The following ZNF469 variants were observed in gnomAD, a reference collection of about 807,000 sequenced individuals.
ZNF469 encodes zinc finger protein 469.
Under a neutral mutation model 1.0 loss-of-function variants are expected in ZNF469, and 1 was observed. That is an observed-to-expected ratio of 1.00 (90% CI 0.35 to 4.73). The LOEUF is 4.73. Among genes scored for constraint, ZNF469 ranks in the 30% most tolerant of loss-of-function variants. ZNF469 has a pLI of 0.16. For missense variants in ZNF469, 6,100 were observed against 5,356.3 expected (o/e 1.14, Z -4.33); for synonymous variants, 2,703 against 2,363.4 (o/e 1.14, Z -4.17).
At chr16:88,107,541 A>T in the ZNF469 span, among the ~76,000 whole-genome samples, 1 of 152,196 alleles carries the variant, frequency 6.6e-6, no homozygotes, top group African/African-American at 2.4e-5. Context: ...TCGAGGTGAG[A>T]TCTGCGTGGA....
At chr16:88,240,250 C>A in the ZNF469 span, among the ~76,000 whole-genome samples, 1 of 152,212 alleles carries the variant, frequency 6.6e-6, no homozygotes, top group African/African-American at 2.4e-5. Flanking sequence ...CACTTAGCCA[C>A]AGTGTGGCCT....
rs1257898417 is a variant in ZNF469 at position 88,428,333 on chromosome 16, T to C, written c.863T>C (p.Phe288Ser). 1.3e-6 allele frequency: 2 copies of C among 1,549,746 alleles called. No homozygotes were observed. The highest frequency in any genetic ancestry group is 2.7e-5 in the African/African-American group (2 of 73,002). Residue 288 changes from phenylalanine (F) to serine (S), a missense_variant, in exon 3 of 3, where the codon TTC (phenylalanine) becomes TCC (serine). By Grantham distance (155) the Phe-to-Ser change is radical. Coordinates refer to ENST00000565624, the MANE Select transcript of ZNF469 (RefSeq NM_001367624.2). ...PALHGASTKP[F>S]PADVAGHAFT... ...CTGCATGGGGCCAGCACAAAACCCT[T>C]CCCTGCGGATGTGGCTGGGCACGCA...
the ZNF469 span, among the ~76,000 whole-genome samples, chr16:88,239,323 AG>A: frequency 1.3e-5 from 2 of 152,228 alleles, no homozygotes; most frequent in Non-Finnish European, 2.9e-5. Context: ...GTGGTTAAAA[AG>A]AAGATGAAGA....
the ZNF469 span, among the ~76,000 whole-genome samples, chr16:88,357,055 C>A: frequency 5.3e-5 from 8 of 152,258 alleles, no homozygotes; most frequent in South Asian, 4.1e-4. Context: ...TACGGGTCCC[C>A]TCCCAGCCCT....
the ZNF469 span, among the ~76,000 whole-genome samples, chr16:88,218,823 A>C: frequency 6.6e-6 from 1 of 151,444 alleles, no homozygotes; most frequent in East Asian, 1.9e-4. Context: ...AGAGGAAGTC[A>C]AATTGTCCCT....
At chr16:88,278,698 C>G in the ZNF469 span, among the ~76,000 whole-genome samples, 1 of 130,570 alleles carries the variant, frequency 7.7e-6, no homozygotes, top group Non-Finnish European at 1.7e-5. Flanking sequence ...GCAGTTAGTG[C>G]TGTGCGACAC....
the ZNF469 span, among the ~76,000 whole-genome samples, chr16:88,330,076 GC>G: frequency 3.3e-5 from 5 of 152,370 alleles, no homozygotes; most frequent in East Asian, 7.7e-4. Flanking sequence ...AGCCTCAGAG[GC>G]AGAGGGAGGT....
At chr16:88,185,306 C>T in the ZNF469 span, among the ~76,000 whole-genome samples, 1 of 152,152 alleles carries the variant, frequency 6.6e-6, no homozygotes, top group Non-Finnish European at 1.5e-5. Context: ...CACTCAAACT[C>T]TCACAGTCAC....
chr16:88,247,508 ATGAG>A, the ZNF469 span, among the ~76,000 whole-genome samples: 10 of 137,270 alleles, frequency 7.3e-5, no homozygotes, highest in East Asian at 2.5e-4. Flanking sequence ...GAGTGAGGGA[ATGAG>A]TGAGTGAGTG....
chr16:88,132,022 C>A, the ZNF469 span, among the ~76,000 whole-genome samples: 173 of 152,316 alleles, frequency 1.1e-3, no homozygotes, highest in African/African-American at 3.9e-3. Context: ...AGCTGGGCAG[C>A]GGCAGGACGG....
chr16:88,350,477 A>G, the ZNF469 span, among the ~76,000 whole-genome samples: 2 of 152,238 alleles, frequency 1.3e-5, no homozygotes, highest in African/African-American at 2.4e-5. Flanking sequence ...TCACCAGCAC[A>G]TGACCAGGCA....
chr16:88,312,396 G>A, the ZNF469 span, among the ~76,000 whole-genome samples: 129 of 152,302 alleles, frequency 8.5e-4, no homozygotes, highest in South Asian at 0.018. Context: ...GTCTCTTGAC[G>A]GGTTGGTCTG....
chr16:88,239,386 G>A, the ZNF469 span, among the ~76,000 whole-genome samples: 1 of 152,010 alleles, frequency 6.6e-6, no homozygotes, highest in African/African-American at 2.4e-5. Flanking sequence ...TATAAAAGGT[G>A]CCAAGAACTA....
At chr16:88,289,274 TGAG>T in the ZNF469 span, among the ~76,000 whole-genome samples, 842 of 150,008 alleles carry the variant, frequency 5.6e-3, 7 homozygotes, top group African/African-American at 0.02. Flanking sequence ...GTGATGATGG[TGAG>T]GGTGATGGTG....
upstream of ZNF469, among the ~76,000 whole-genome samples, chr16:88,382,921 G>A (rs920015185): frequency 6.6e-6 from 1 of 151,320 alleles, no homozygotes; most frequent in African/African-American, 2.4e-5. Flanking sequence ...CGGGGGCGGC[G>A]GAGTCTGTAA....
chr16:88,310,290 T>C, the ZNF469 span, among the ~76,000 whole-genome samples: 5 of 152,008 alleles, frequency 3.3e-5, no homozygotes, highest in East Asian at 1.9e-4. Context: ...CAGAATTTCT[T>C]TGGGGAGCTG....
the ZNF469 span, among the ~76,000 whole-genome samples, chr16:88,345,837 C>A: frequency 2.6e-5 from 4 of 152,230 alleles, no homozygotes; most frequent in African/African-American, 9.6e-5. Context: ...CGCCAGGCCC[C>A]ACCGAGGCTG....
At chr16:88,124,741 C>T in the ZNF469 span, among the ~76,000 whole-genome samples, 1 of 152,104 alleles carries the variant, frequency 6.6e-6, no homozygotes, top group African/African-American at 2.4e-5. Context: ...TGCACCACCA[C>T]ACCTGGCTAA....
At chr16:88,378,597 A>G (rs12445300), upstream of ZNF469, among the ~76,000 whole-genome samples, 23,729 of 152,180 alleles carry the variant, frequency 0.16, 2,101 homozygotes, top group Middle Eastern at 0.27. Context: ...GGCTGCTCAC[A>G]GACCCCTGTA....
Sources: gnomAD v4.1 joint callset for allele counts (sites outside exome capture counted in the v4.1 genomes callset) on GRCh38, gnomAD v4.1.1 for gene constraint, MANE v1.5 for transcripts, NCBI Gene and HGNC (gene_info 2026-07-23, HGNC 2026-07-21) for gene names.